CSMD1: variants seen among roughly 807,000 people sequenced by gnomAD.
The protein encoded by CSMD1 is CUB and Sushi multiple domains 1.
In CSMD1, 213 loss-of-function variants were observed where a neutral mutation model predicts 417.5. The ratio of observed to expected loss-of-function variants is 0.51; its 90% CI spans 0.46 to 0.57. The LOEUF (loss-of-function observed/expected upper bound fraction) is 0.57, where lower values mean the gene tolerates loss of function less well. CSMD1 is among the 20% of genes least tolerant of loss of function. The pLI is 0.00. For synonymous variants in CSMD1, 2,862 were observed against 1,736.8 expected (o/e 1.65, Z -16.11); for missense variants, 6,923 against 4,529.7 (o/e 1.53, Z -15.17).
intron 4 of CSMD1, among the ~76,000 whole-genome samples, 197 bp from the exon 5 acceptor site, chr8:3,998,307 T>C (rs1248786549): frequency 6.6e-6 from 1 of 152,202 alleles, no homozygotes; most frequent in East Asian, 1.9e-4. Context: ...ATTTAAATTA[T>C]CTTATTAATT....
chr8:4,277,447 C>A (rs1796551201), intron 3 of CSMD1, among the ~76,000 whole-genome samples: 1 of 152,160 alleles, frequency 6.6e-6, no homozygotes, highest in Admixed American at 6.6e-5. Flanking sequence ...TTTCAGTCAA[C>A]CTCCTCACCA....
At chr8:3,917,386 T>C (rs1381177378) in intron 5 of CSMD1, among the ~76,000 whole-genome samples, 1 of 149,722 alleles carries the variant, frequency 6.7e-6, no homozygotes. Context: ...TGCTTCCCTC[T>C]ACAGGAGTTT....
At chr8:4,273,273 C>G (rs950843826) in intron 3 of CSMD1, among the ~76,000 whole-genome samples, 3 of 152,076 alleles carry the variant, frequency 2.0e-5, no homozygotes, top group African/African-American at 7.2e-5. Context: ...TATTAGTTCA[C>G]AAATGAATGT....
chr8:3,753,903 T>C (rs1314866170), intron 6 of CSMD1, 27 bp downstream of exon 6: 39 of 1,502,730 alleles, frequency 2.6e-5, no homozygotes, highest in Non-Finnish European at 3.5e-5. Context: ...TGTTTTTTTT[T>C]TTTCTTATAA....
rs577560745 is a variant in CSMD1 at position 4,903,785 on chromosome 8, G to C, written c.85+90547C>G. Among the ~76,000 whole-genome samples, 10 of 152,292 alleles carry C rather than the reference G, an allele frequency of 6.6e-5. No homozygotes were observed. The East Asian group carries it at 1.7e-3, about 27-fold the overall frequency. The stretch of plus-strand genomic sequence containing the variant: ...AGGAGAAGGACCTGGAGTCTTCTTA[G>C]CAGCAGGACCTACTGTTAGCCTGGC... On this transcript the variant is annotated intron_variant, in intron 1 of 69. Transcript: ENST00000635120.
chr8:4,026,425 T>C, intron 4 of CSMD1, among the ~76,000 whole-genome samples: 1 of 152,222 alleles, frequency 6.6e-6, no homozygotes, highest in Non-Finnish European at 1.5e-5. Flanking sequence ...GGAAAGACAC[T>C]TAGCTGACTG....
intron 5 of CSMD1, among the ~76,000 whole-genome samples, chr8:3,980,430 G>A (rs1813764361): frequency 6.6e-6 from 1 of 152,088 alleles, no homozygotes; most frequent in African/African-American, 2.4e-5. Flanking sequence ...TATGGTCAGG[G>A]AAATCTTCAC....
chr8:3,138,189 G>A (rs1441278553), intron 41 of CSMD1, among the ~76,000 whole-genome samples: 3 of 152,314 alleles, frequency 2.0e-5, no homozygotes, highest in Admixed American at 1.3e-4. Flanking sequence ...TTGTGCCACT[G>A]CACTCCAGCC....
chr8:4,937,646 G>C (rs1299994705), intron 1 of CSMD1, among the ~76,000 whole-genome samples: 1 of 152,176 alleles, frequency 6.6e-6, no homozygotes, highest in Non-Finnish European at 1.5e-5. Flanking sequence ...TCAAATAAAA[G>C]CACATGAATT....
At chr8:3,438,971 C>T (rs998778124) in intron 12 of CSMD1, among the ~76,000 whole-genome samples, 2 of 150,344 alleles carry the variant, frequency 1.3e-5, no homozygotes, top group Non-Finnish European at 3.0e-5. Flanking sequence ...CAAAATTAGC[C>T]GGGCATGGTA....
intron 3 of CSMD1, among the ~76,000 whole-genome samples, chr8:4,259,070 A>G (rs1027154311): frequency 6.6e-6 from 1 of 152,154 alleles, no homozygotes; most frequent in African/African-American, 2.4e-5. Context: ...TTGAGTTTGA[A>G]CGCTGATGAT....
At chr8:3,506,080 G>A (rs1341035878) in intron 10 of CSMD1, among the ~76,000 whole-genome samples, 1 of 152,140 alleles carries the variant, frequency 6.6e-6, no homozygotes, top group Non-Finnish European at 1.5e-5. Flanking sequence ...TGAGCCCTGG[G>A]GCTGTGTTCT....
intron 2 of CSMD1, among the ~76,000 whole-genome samples, chr8:4,603,143 C>A (rs184253069): frequency 5.1e-4 from 78 of 151,976 alleles, no homozygotes; most frequent in African/African-American, 1.7e-3. Flanking sequence ...GGAGACATAG[C>A]TATATTAATT....
At chr8:4,178,048 G>C (rs1234061513) in intron 3 of CSMD1, among the ~76,000 whole-genome samples, 1 of 152,074 alleles carries the variant, frequency 6.6e-6, no homozygotes, top group Non-Finnish European at 1.5e-5. Flanking sequence ...CCAATAAATA[G>C]AAAAAGAGGG....
intron 11 of CSMD1, among the ~76,000 whole-genome samples, chr8:3,476,700 T>G (rs1305692406): frequency 2.6e-5 from 4 of 152,022 alleles, no homozygotes; most frequent in Non-Finnish European, 5.9e-5. Flanking sequence ...GGCAGATTAC[T>G]TGAGGTCAGG....
chr8:3,614,694 T>G (rs560829912), intron 8 of CSMD1, among the ~76,000 whole-genome samples: 4 of 152,228 alleles, frequency 2.6e-5, no homozygotes, highest in African/African-American at 9.6e-5. Context: ...GTTTCTGGGA[T>G]GACAGGATAC....
intron 10 of CSMD1, among the ~76,000 whole-genome samples, chr8:3,521,305 C>G (rs1797498471): frequency 6.6e-6 from 1 of 152,180 alleles, no homozygotes; most frequent in Non-Finnish European, 1.5e-5. Flanking sequence ...ATGACTTACT[C>G]TCTCTCAAAT....
chr8:3,371,075 A>G (rs1809916231), intron 18 of CSMD1, among the ~76,000 whole-genome samples: 3 of 152,146 alleles, frequency 2.0e-5, no homozygotes, highest in Admixed American at 6.6e-5. Flanking sequence ...TTCTTGAACC[A>G]TCAGACCCAG....
At chr8:4,766,121 A>G (rs1812445454) in intron 1 of CSMD1, among the ~76,000 whole-genome samples, 1 of 152,212 alleles carries the variant, frequency 6.6e-6, no homozygotes, top group Non-Finnish European at 1.5e-5. Flanking sequence ...ACAGCCAAAT[A>G]AACTTTTGAT....
Sources: allele counts gnomAD v4.1 joint callset (sites outside exome capture counted in the v4.1 genomes callset), GRCh38; gene constraint gnomAD v4.1.1; transcripts MANE v1.5; gene names NCBI Gene and HGNC (gene_info 2026-07-23, HGNC 2026-07-21).